ATRNL1: variants seen among roughly 807,000 people sequenced by gnomAD.
The protein encoded by ATRNL1 is attractin like 1, also known as attractin-like protein 1.
A neutral mutation model predicts 182.7 loss-of-function variants in ATRNL1; 95 were observed. The ratio of observed to expected loss-of-function variants is 0.52; its 90% CI spans 0.44 to 0.62. ATRNL1 has a LOEUF of 0.62. Ranked by LOEUF, ATRNL1 falls within the 20% of genes least tolerant of loss-of-function variation. The probability of loss-of-function intolerance (pLI) is 0.00; values close to 1 mark genes in which losing one functional copy is unlikely to be tolerated. For synonymous variants in ATRNL1, 576 were observed against 568.3 expected (o/e 1.01, Z -0.19); for missense variants, 1,471 against 1,679.5 (o/e 0.88, Z 2.17).
intron 18 of ATRNL1, among the ~76,000 whole-genome samples, chr10:115,322,258 A>C (rs959988989): frequency 6.6e-6 from 1 of 151,788 alleles, no homozygotes; most frequent in East Asian, 1.9e-4. Context: ...ACTTTATATA[A>C]TTTTATATCT....
At chr10:115,775,753 A>C (rs1161813275) in intron 27 of ATRNL1, among the ~76,000 whole-genome samples, 2 of 151,428 alleles carry the variant, frequency 1.3e-5, no homozygotes, top group Non-Finnish European at 2.9e-5. Context: ...TTAGGAGTTC[A>C]AGACCAGCCT....
At chr10:115,204,409 G>C (rs1848719885) in intron 8 of ATRNL1, among the ~76,000 whole-genome samples, 1 of 152,038 alleles carries the variant, frequency 6.6e-6, no homozygotes, top group Non-Finnish European at 1.5e-5. Flanking sequence ...CCACTGTAGT[G>C]TTGGATGTGG....
chr10:115,591,966 G>A (rs1555012407), intron 26 of ATRNL1, among the ~76,000 whole-genome samples: 3 of 152,174 alleles, frequency 2.0e-5, no homozygotes, highest in Non-Finnish European at 2.9e-5. Flanking sequence ...TGTAGTACAT[G>A]TACAACATGG....
At chr10:115,318,933 G>A (rs192736388) in intron 18 of ATRNL1, among the ~76,000 whole-genome samples, 2 of 151,954 alleles carry the variant, frequency 1.3e-5, no homozygotes, top group Non-Finnish European at 2.9e-5. Flanking sequence ...TCTTCTGCTA[G>A]CTTTTGGATT....
Position 115,300,182 on chromosome 10 carries a change from T to G in ATRNL1, c.2564T>G (p.Val855Gly), listed in dbSNP as rs1554924024. 6.2e-7 allele frequency: 1 copy of G among 1,614,060 alleles called. No individual in the cohort carries two copies. Among genetic ancestry groups the G allele is most frequent in the Non-Finnish European group, 8.5e-7 (1 of 1,179,932 alleles). Residue 855 changes from valine (V) to glycine (G), a missense_variant, in exon 16 of 29, where the codon GTG (valine) becomes GGG (glycine). Val to Gly is a moderately radical substitution (Grantham distance 109). Coordinates refer to ENST00000355044, the MANE Select transcript of ATRNL1 (RefSeq NM_207303.4). The part of the protein sequence containing the change: ...GFCAYLERAA[V>G]AGLKANPCTS... ...TGTGCATATCTGGAAAGGGCTGCAGTGGCAGGCTTAAAAGCTAATCCTTGT... is the reference window on the plus strand; with the variant it reads ...TGTGCATATCTGGAAAGGGCTGCAGGGGCAGGCTTAAAAGCTAATCCTTGT...
At chr10:115,741,254 G>A (rs1030724359) in intron 27 of ATRNL1, among the ~76,000 whole-genome samples, 2 of 152,156 alleles carry the variant, frequency 1.3e-5, no homozygotes, top group African/African-American at 2.4e-5. Context: ...AATACTCAAT[G>A]TATTGCTGAA....
At chr10:115,455,649 C>T (rs1268432204) in intron 21 of ATRNL1, among the ~76,000 whole-genome samples, 2 of 152,108 alleles carry the variant, frequency 1.3e-5, no homozygotes, top group Non-Finnish European at 2.9e-5. Context: ...TCTAATTAAA[C>T]CAAAGAGCTT....
chr10:115,584,107 G>T (rs1376415888), intron 26 of ATRNL1, among the ~76,000 whole-genome samples: 1 of 151,416 alleles, frequency 6.6e-6, no homozygotes, highest in East Asian at 2.0e-4. Context: ...AAGCCCACTC[G>T]ATCATGGTGG....
In ATRNL1 at chr10:115,276,030, A is replaced by G. The variant is rs768603860; in HGVS notation, c.2101-5325A>G. Among the ~76,000 whole-genome samples, 35 of 152,138 alleles carry G rather than the reference A, an allele frequency of 2.3e-4. 1 individual carries two copies. Among genetic ancestry groups the G allele is most frequent in the Admixed American group, 1.3e-4 (2 of 15,272 alleles). On this transcript the variant is annotated intron_variant, in intron 13 of 28. Coordinates refer to ENST00000355044, the MANE Select transcript of ATRNL1 (RefSeq NM_207303.4). The stretch of plus-strand genomic sequence containing the variant: ...CCTGATCCAACTTTATGTTTCGTCT[A>G]TCATTTTCCAATACTTTTACCGTTC...
chr10:115,346,946 T>C (rs1554939930), intron 19 of ATRNL1, among the ~76,000 whole-genome samples: 1 of 152,178 alleles, frequency 6.6e-6, no homozygotes, highest in African/African-American at 2.4e-5. Context: ...CATTGCCATA[T>C]GTAACATCAC....
intron 26 of ATRNL1, among the ~76,000 whole-genome samples, chr10:115,642,225 T>A (rs1859297033): frequency 6.6e-6 from 1 of 152,086 alleles, no homozygotes; most frequent in South Asian, 2.1e-4. Context: ...GAAATTGAAA[T>A]CAAAAGAATG....
At chr10:115,519,002 A>G (rs1554984526) in intron 24 of ATRNL1, among the ~76,000 whole-genome samples, 1 of 151,716 alleles carries the variant, frequency 6.6e-6, no homozygotes, top group East Asian at 1.9e-4. Flanking sequence ...TTCACATGAA[A>G]CTCTTAGCGT....
At chr10:115,302,415 G>T (rs1554924901) in intron 17 of ATRNL1, among the ~76,000 whole-genome samples, 1 of 151,990 alleles carries the variant, frequency 6.6e-6, no homozygotes, top group Non-Finnish European at 1.5e-5. Flanking sequence ...TTCCTTATAT[G>T]ACTTTGATAT....
chr10:115,209,650 A>G (rs1411428284), intron 8 of ATRNL1, among the ~76,000 whole-genome samples: 1 of 151,662 alleles, frequency 6.6e-6, no homozygotes, highest in African/African-American at 2.4e-5. Context: ...TAAATTGAGA[A>G]TATGATAAAG....
intron 20 of ATRNL1, among the ~76,000 whole-genome samples, chr10:115,404,832 T>TA (rs1554957820): frequency 4.6e-5 from 7 of 151,558 alleles, no homozygotes; most frequent in Admixed American, 1.3e-4. Flanking sequence ...TTTTTTTTTT[T>TA]AAATCAAAGC....
chr10:115,119,328 G>A (rs1458632657), intron 1 of ATRNL1, among the ~76,000 whole-genome samples: 1 of 151,598 alleles, frequency 6.6e-6, no homozygotes, highest in Non-Finnish European at 1.5e-5. Context: ...GTAGATAATG[G>A]CCCTGATATG....
chr10:115,932,870 A>G (rs947317868), intron 28 of ATRNL1, among the ~76,000 whole-genome samples: 1 of 152,200 alleles, frequency 6.6e-6, no homozygotes, highest in Non-Finnish European at 1.5e-5. Flanking sequence ...TCTGTCTCCT[A>G]TACTTTCCTA....
chr10:115,389,550 A>ATG (rs1843880903), intron 19 of ATRNL1, among the ~76,000 whole-genome samples: 1 of 54,786 alleles, frequency 1.8e-5, no homozygotes, highest in African/African-American at 6.3e-5. Flanking sequence ...GTATATATAT[A>ATG]TATATATATA....
chr10:115,837,880 T>C (rs920248666), intron 27 of ATRNL1, among the ~76,000 whole-genome samples: 7 of 152,180 alleles, frequency 4.6e-5, no homozygotes, highest in Admixed American at 4.6e-4. Flanking sequence ...AAGGGAACTA[T>C]TAACATTGAC....
Sources: allele counts gnomAD v4.1 joint callset (sites outside exome capture counted in the v4.1 genomes callset), GRCh38; gene constraint gnomAD v4.1.1; transcripts MANE v1.5; gene names NCBI Gene and HGNC (gene_info 2026-07-23, HGNC 2026-07-21).